TSHZ3: variants seen among roughly 807,000 people sequenced by gnomAD.
TSHZ3 encodes the protein teashirt homolog 3.
A neutral mutation model predicts 64.5 loss-of-function variants in TSHZ3; 10 were observed. The observed-to-expected ratio is 0.16, with a 90% CI of 0.10 to 0.26. The LOEUF (loss-of-function observed/expected upper bound fraction) is 0.26. Among genes scored for constraint, TSHZ3 ranks in the 10% least tolerant of loss-of-function variants. The pLI is 1.00. For synonymous variants in TSHZ3, 608 were observed against 593.1 expected (o/e 1.03, Z -0.36); for missense variants, 1,242 against 1,421.7 (o/e 0.87, Z 2.03).
At chr19:31,337,826 T>C (rs1408957312) in intron 1 of TSHZ3, among the ~76,000 whole-genome samples, 1 of 152,062 alleles carries the variant, frequency 6.6e-6, no homozygotes, top group Non-Finnish European at 1.5e-5. Flanking sequence ...TGCAGGCGTT[T>C]TACATGTCAG....
chr19:31,308,659 C>T lies in TSHZ3; in HGVS notation c.41-28907G>A, dbSNP rs116411005. The T allele has an allele frequency of 7.6e-3, 3,045 of 398,560 alleles. 96 individuals are homozygous for T. Among genetic ancestry groups the T allele is most frequent in the African/African-American group, 0.058 (2,807 of 48,688 alleles). 24.7% of individuals were successfully genotyped at this position (398,560 alleles called of 1,614,324 possible). On this transcript the variant is annotated intron_variant, in intron 1 of 1. Coordinates refer to ENST00000240587, the MANE Select transcript of TSHZ3 (RefSeq NM_020856.4). ...GTAGTGTGAAGAGACTAGGGCAGCACGTTCTCCACCCACCACGTGCTGAGA... is the reference window on the plus strand; with the variant it reads ...GTAGTGTGAAGAGACTAGGGCAGCATGTTCTCCACCCACCACGTGCTGAGA...
intron 2 of TSHZ3, among the ~76,000 whole-genome samples, chr19:31,242,748 T>C (rs201612024): frequency 5.9e-4 from 50 of 84,128 alleles, no homozygotes; most frequent in Admixed American, 1.4e-3. Flanking sequence ...AAGATGGGCG[T>C]CTCAGTTCTA....
downstream of TSHZ3, among the ~76,000 whole-genome samples, chr19:31,269,961 T>C (rs1170411937): frequency 6.6e-6 from 1 of 152,090 alleles, no homozygotes; most frequent in Admixed American, 6.6e-5. Flanking sequence ...TCCAAGTCAT[T>C]GGGTGCAAAG....
intron 1 of TSHZ3, among the ~76,000 whole-genome samples, chr19:31,282,672 G>A (rs1339951882): frequency 3.9e-5 from 6 of 152,166 alleles, no homozygotes; most frequent in Non-Finnish European, 7.3e-5. Flanking sequence ...AACACGCTCT[G>A]ATATGCTTTG....
intron 4 of TSHZ3, among the ~76,000 whole-genome samples, chr19:31,215,093 G>A (rs1415521288): frequency 1.3e-5 from 2 of 152,102 alleles, no homozygotes; most frequent in Non-Finnish European, 2.9e-5. Flanking sequence ...CTCCAGTGTA[G>A]GTGTTTCAAG....
chr19:31,297,432 C>T (rs1976683283), intron 1 of TSHZ3, among the ~76,000 whole-genome samples: 1 of 149,846 alleles, frequency 6.7e-6, no homozygotes, highest in South Asian at 2.1e-4. Context: ...CTTTTTTTTG[C>T]CCATTCCTAA....
intron 5 of TSHZ3, among the ~76,000 whole-genome samples, chr19:31,200,634 A>G (rs1272267020): frequency 6.6e-6 from 1 of 152,220 alleles, no homozygotes; most frequent in African/African-American, 2.4e-5. Flanking sequence ...ACAATTCTGC[A>G]CAATACTACG....
intron 3 of TSHZ3, among the ~76,000 whole-genome samples, chr19:31,235,881 A>AT (rs1975608005): frequency 1.3e-5 from 2 of 150,686 alleles, no homozygotes. Context: ...CACCTGGCTA[A>AT]TTTTTTGTAT....
chr19:31,255,064 G>A (rs532655005), intron 1 of TSHZ3, among the ~76,000 whole-genome samples: 1 of 152,292 alleles, frequency 6.6e-6, no homozygotes, highest in East Asian at 1.9e-4. Flanking sequence ...CAGAGACTCT[G>A]ATCAGACAAA....
intron 1 of TSHZ3, among the ~76,000 whole-genome samples, chr19:31,302,647 T>A (rs1305979899): frequency 6.6e-6 from 1 of 152,212 alleles, no homozygotes; most frequent in East Asian, 1.9e-4. Flanking sequence ...ACTTAAAAAC[T>A]ACACACATAC....
downstream of TSHZ3, among the ~76,000 whole-genome samples, chr19:31,271,914 G>C (rs1976145889): frequency 6.6e-6 from 1 of 152,122 alleles, no homozygotes; most frequent in Non-Finnish European, 1.5e-5. Flanking sequence ...GAGCGGTGTT[G>C]GAGTTTGCAT....
chr19:31,260,102 C>T (rs1975966033), intron 1 of TSHZ3, among the ~76,000 whole-genome samples: 1 of 152,200 alleles, frequency 6.6e-6, no homozygotes, highest in South Asian at 2.1e-4. Flanking sequence ...CTCCTGCAGG[C>T]TCAGCCTCAG....
chr19:31,300,782 C>G (rs1976742476), intron 1 of TSHZ3, among the ~76,000 whole-genome samples: 1 of 152,112 alleles, frequency 6.6e-6, no homozygotes, highest in South Asian at 2.1e-4. Flanking sequence ...GCCCCAAATG[C>G]ATTAATAATG....
intron 5 of TSHZ3, among the ~76,000 whole-genome samples, chr19:31,199,521 C>A (rs116738676): frequency 6.7e-6 from 1 of 148,562 alleles, no homozygotes. Flanking sequence ...GACAACAGAA[C>A]ATCCACATGA....
chr19:31,294,485 A>G (rs1022120479), intron 1 of TSHZ3, among the ~76,000 whole-genome samples: 1 of 152,158 alleles, frequency 6.6e-6, no homozygotes, highest in Non-Finnish European at 1.5e-5. Flanking sequence ...CCCAGCTCTC[A>G]GTTAACATGC....
intron 1 of TSHZ3, among the ~76,000 whole-genome samples, chr19:31,311,356 G>A (rs772893950): frequency 1.4e-4 from 22 of 152,270 alleles, no homozygotes; most frequent in Non-Finnish European, 2.2e-4. Flanking sequence ...TTCGTGTCTG[G>A]GGAGGCAGGA....
At chr19:31,211,697 C>T (rs1356410268) in intron 4 of TSHZ3, among the ~76,000 whole-genome samples, 3 of 152,166 alleles carry the variant, frequency 2.0e-5, no homozygotes, top group Non-Finnish European at 4.4e-5. Context: ...GCCAGCCAGA[C>T]CCTGGGAGCC....
intron 4 of TSHZ3, among the ~76,000 whole-genome samples, chr19:31,223,844 C>T (rs915556234): frequency 4.6e-5 from 7 of 150,846 alleles, no homozygotes; most frequent in East Asian, 3.9e-4. Context: ...CTAGCTGGAG[C>T]GGGGGTGGGG....
rs1319765964 is a variant in TSHZ3 at position 31,276,562 on chromosome 19, C to T, written c.3231G>A (p.Glu1077=). The change falls in exon 2 of 2, where the codon GAG becomes GAA. Residue 1077 remains glutamate, a synonymous_variant. Transcript: ENST00000240587. The part of the protein sequence containing the change: ...SPEDHLLYVS[E]LEKQ The stretch of plus-strand genomic sequence containing the variant: ...AAAGCAAATGCTACTGCTTCTCTAA[C>T]TCAGAGACATACAGAAGGTGGTCTT... 1 of 1,560,754 alleles carries T rather than the reference C, an allele frequency of 6.4e-7. No homozygotes were observed. Among genetic ancestry groups the T allele is most frequent in the African/African-American group, 1.4e-5 (1 of 73,564 alleles).
Sources: gnomAD v4.1 joint callset for allele counts (sites outside exome capture counted in the v4.1 genomes callset) on GRCh38, gnomAD v4.1.1 for gene constraint, MANE v1.5 for transcripts, NCBI Gene and HGNC (gene_info 2026-07-23, HGNC 2026-07-21) for gene names.